The following TIAM1 variants were observed in gnomAD, a reference collection of about 807,000 sequenced individuals.
TIAM1 encodes the protein rho guanine nucleotide exchange factor TIAM1.
A neutral mutation model predicts 163.5 loss-of-function variants in TIAM1; 65 were observed. The observed-to-expected ratio is 0.40, with a 90% confidence interval of 0.33 to 0.49. The LOEUF is 0.49. Among genes scored for constraint, TIAM1 ranks in the 20% least tolerant of loss-of-function variants. TIAM1 has a pLI of 0.77. For synonymous variants in TIAM1, 833 were observed against 810.1 expected, an observed-to-expected ratio of 1.03 and a Z score of -0.48; for missense variants, 1,789 against 2,044.7, an observed-to-expected ratio of 0.87 and a Z score of 2.41.
In TIAM1 at chr21:31,164,967, T is replaced by G; in HGVS notation, c.2986A>C (p.Ser996Arg). ...LESSDETDHS[S>R]KSTEQVAAFC... The stretch of plus-strand genomic sequence containing the variant: ...TGAAAATGAAAATCTCTCACCTTGC[T>G]GCTGTGATCAGTCTCATCTGAGGAT... The change falls in exon 16 of 28, where the codon AGC becomes CGC. Residue 996 changes from serine to arginine, a missense_variant. Around this residue, in one of 5 missense-constraint regions of TIAM1, gnomAD observed 303 missense variants for 321.3 expected, o/e 0.94. Coordinates refer to ENST00000541036, the MANE Select transcript of TIAM1 (RefSeq NM_001353694.2). 6.2e-7 allele frequency: 1 copy of G among 1,614,128 alleles called. No homozygotes were observed. Among genetic ancestry groups the G allele is most frequent in the Non-Finnish European group, 8.5e-7 (1 of 1,179,994 alleles).
At chr21:31,303,031 T>C (rs1220630579) in intron 2 of TIAM1, among the ~76,000 whole-genome samples, 2 of 152,304 alleles carry the variant, frequency 1.3e-5, no homozygotes, top group East Asian at 3.9e-4. Context: ...AGCTGTGATC[T>C]TCATATCACT....
chr21:31,246,629 T>C (rs1010822670), intron 5 of TIAM1, among the ~76,000 whole-genome samples: 8 of 152,340 alleles, frequency 5.3e-5, no homozygotes, highest in African/African-American at 1.9e-4. Flanking sequence ...TCTATTCGGC[T>C]ACAATGGGAA....
At chr21:31,517,316 T>A (rs977046696) in intron 1 of TIAM1, among the ~76,000 whole-genome samples, 2 of 152,112 alleles carry the variant, frequency 1.3e-5, no homozygotes, top group Non-Finnish European at 2.9e-5. Context: ...GGAGAATCAC[T>A]TGAGGCCAGG....
intron 23 of TIAM1, among the ~76,000 whole-genome samples, chr21:31,132,149 CA>C (rs1478248505): frequency 5.9e-5 from 9 of 152,210 alleles, no homozygotes; most frequent in South Asian, 2.1e-4. Flanking sequence ...AGAGAATTCT[CA>C]GGGATGGGCC....
intron 2 of TIAM1, among the ~76,000 whole-genome samples, chr21:31,335,113 A>G (rs201478789): frequency 6.6e-6 from 1 of 152,122 alleles, no homozygotes; most frequent in Non-Finnish European, 1.5e-5. Flanking sequence ...GTGCCACAAA[A>G]CAAAAACAGT....
intron 2 of TIAM1, among the ~76,000 whole-genome samples, chr21:31,436,472 CA>C (rs1225528634): frequency 3.3e-5 from 5 of 151,768 alleles, no homozygotes; most frequent in Non-Finnish European, 5.9e-5. Context: ...ACTAAAAATG[CA>C]AAAATTAGCC....
chr21:31,230,817 C>T (rs7280920), intron 6 of TIAM1, among the ~76,000 whole-genome samples: 6,202 of 152,026 alleles, frequency 0.041, 411 homozygotes, highest in African/African-American at 0.14. Context: ...TACAGGCGTA[C>T]ACCACCAAGC....
intron 2 of TIAM1, among the ~76,000 whole-genome samples, chr21:31,311,991 C>T (rs28672940): frequency 0.17 from 26,054 of 152,182 alleles, 2,277 homozygotes; most frequent in Middle Eastern, 0.2. Context: ...TGCTTCCTGC[C>T]CTTGAACATC....
intron 3 of TIAM1, among the ~76,000 whole-genome samples, chr21:31,272,613 T>A (rs920279452): frequency 6.6e-6 from 1 of 152,200 alleles, no homozygotes; most frequent in African/African-American, 2.4e-5. Context: ...ATTTCCTGCA[T>A]ACAATTTCCT....
Position 31,182,408 on chromosome 21 carries a change from T to G in TIAM1, c.2887+13A>C. The G allele has an allele frequency of 6.5e-7, 1 of 1,536,380 alleles. No individual in the cohort carries two copies. Among genetic ancestry groups the G allele is most frequent in the Non-Finnish European group, 8.7e-7 (1 of 1,144,584 alleles). ...GAGTTCAGACTCGCCCCCAGCACCC[T>G]GCACAGCCATACCTGGGTTGCTGGT... is the stretch of plus-strand genomic sequence containing the variant. On this transcript the variant is annotated intron_variant, in intron 15 of 27. Transcript: ENST00000541036.
At chr21:31,510,624 C>A (rs149574471) in intron 1 of TIAM1, among the ~76,000 whole-genome samples, 1 of 152,002 alleles carries the variant, frequency 6.6e-6, no homozygotes, top group Non-Finnish European at 1.5e-5. Context: ...ACCAGTCTGG[C>A]CAACAAGATG....
chr21:31,509,924 G>A (rs1485328414), intron 1 of TIAM1, among the ~76,000 whole-genome samples: 1 of 152,144 alleles, frequency 6.6e-6, no homozygotes, highest in East Asian at 1.9e-4. Context: ...CTCAGGCAGA[G>A]GTACTAGTGC....
intron 10 of TIAM1, among the ~76,000 whole-genome samples, chr21:31,211,390 T>C (rs2086881195): frequency 6.6e-6 from 1 of 152,232 alleles, no homozygotes; most frequent in African/African-American, 2.4e-5. Flanking sequence ...ATAATATTGA[T>C]GCTCAATATA....
At chr21:31,460,052 C>T (rs1413616367) in intron 2 of TIAM1, among the ~76,000 whole-genome samples, 1 of 152,228 alleles carries the variant, frequency 6.6e-6, no homozygotes, top group African/African-American at 2.4e-5. Flanking sequence ...AGAAAATGCA[C>T]CAAGGAAGCT....
intron 22 of TIAM1, among the ~76,000 whole-genome samples, chr21:31,139,994 G>A (rs2082773592): frequency 1.3e-5 from 2 of 152,192 alleles, no homozygotes; most frequent in Non-Finnish European, 2.9e-5. Flanking sequence ...CACTCCATAT[G>A]TAAACTTCTG....
chr21:31,556,973 T>G (rs766387213), intron 1 of TIAM1, among the ~76,000 whole-genome samples: 16 of 152,204 alleles, frequency 1.1e-4, no homozygotes, highest in Non-Finnish European at 2.1e-4. Flanking sequence ...TGTTCCCTCC[T>G]AACCTCCAGA....
At chr21:31,267,402 T>C (rs531657253) in intron 3 of TIAM1, among the ~76,000 whole-genome samples, 1 of 152,252 alleles carries the variant, frequency 6.6e-6, no homozygotes, top group Admixed American at 6.5e-5. Context: ...ACCAAAATGT[T>C]CACCAAGGGA....
intron 6 of TIAM1, among the ~76,000 whole-genome samples, chr21:31,234,384 G>A (rs1398757453): frequency 7.5e-6 from 1 of 133,856 alleles, no homozygotes; most frequent in Non-Finnish European, 1.6e-5. Flanking sequence ...GGAAGGAAGG[G>A]AGGGAGGGAG....
chr21:31,247,331 T>TA (rs1480177460), intron 5 of TIAM1, among the ~76,000 whole-genome samples: 1 of 152,016 alleles, frequency 6.6e-6, no homozygotes, highest in East Asian at 1.9e-4. Context: ...AAATGAAAGA[T>TA]AAAGTTTTAT....
Sources: allele counts gnomAD v4.1 joint callset (sites outside exome capture counted in the v4.1 genomes callset), GRCh38; gene constraint gnomAD v4.1.1; regional missense constraint gnomAD v4.1.1; transcripts MANE v1.5; gene names NCBI Gene and HGNC (gene_info 2026-07-23, HGNC 2026-07-21).